ZMAT3: variants seen among roughly 807,000 people sequenced by gnomAD.
The protein encoded by ZMAT3 is zinc finger matrin-type protein 3.
In ZMAT3, 17 loss-of-function variants were observed where a neutral mutation model predicts 32.3. That is an observed-to-expected ratio of 0.53 (90% CI 0.36 to 0.79). The LOEUF is 0.79. ZMAT3 is among the 30% of genes least tolerant of loss of function. The probability of loss-of-function intolerance (pLI) is 0.00; values close to 1 mark genes in which losing one functional copy is unlikely to be tolerated. For synonymous variants in ZMAT3, 120 were observed against 133.1 expected (o/e 0.90, Z 0.68); for missense variants, 329 against 359.7 (o/e 0.91, Z 0.69).
At chr3:179,056,168 A>ATT (rs1720831843) in intron 2 of ZMAT3, among the ~76,000 whole-genome samples, 1 of 152,200 alleles carries the variant, frequency 6.6e-6, no homozygotes, top group African/African-American at 2.4e-5. Flanking sequence ...ATCTTAAAGG[A>ATT]TAAGTTTATC....
At position 179,067,550 on chromosome 3, in the gene ZMAT3, T is replaced by C. The variant is rs766137802; in HGVS notation, c.203A>G (p.Lys68Arg). The C allele has an allele frequency of 7.4e-6, 12 of 1,614,072 alleles. No individual in the cohort carries two copies. Among genetic ancestry groups the C allele is most frequent in the Non-Finnish European group, 5.1e-6 (6 of 1,180,054 alleles). Residue 68 changes from lysine to arginine, a missense_variant, in exon 2 of 6, where the codon AAG (lysine) becomes AGG (arginine). Coordinates refer to ENST00000311417, the MANE Select transcript of ZMAT3 (RefSeq NM_022470.4). Reference protein sequence around the residue: ...EQDCALEELCKPLYCKLCNVT... With the variant: ...EQDCALEELCRPLYCKLCNVT... ...ATTGCAGAGTTTGCAGTACAGGGGC[T>C]TACATAGCTCCTCCAGGGCACAGTC...
At chr3:179,066,109 T>C (rs1440036365) in intron 2 of ZMAT3, among the ~76,000 whole-genome samples, 2 of 151,830 alleles carry the variant, frequency 1.3e-5, no homozygotes, top group Non-Finnish European at 2.9e-5. Flanking sequence ...AGTCTTGGAG[T>C]TGAGATTAAT....
chr3:179,036,564 G>A (rs1719603669), intron 2 of ZMAT3, among the ~76,000 whole-genome samples: 1 of 152,152 alleles, frequency 6.6e-6, no homozygotes, highest in Non-Finnish European at 1.5e-5. Context: ...GGATAAGAGG[G>A]TAGAAGGGAG....
At chr3:179,053,683 C>T (rs971466179) in intron 2 of ZMAT3, among the ~76,000 whole-genome samples, 7 of 152,184 alleles carry the variant, frequency 4.6e-5, no homozygotes, top group African/African-American at 1.7e-4. Flanking sequence ...ACATGACACA[C>T]TAGGAAGAAC....
intron 2 of ZMAT3, among the ~76,000 whole-genome samples, chr3:179,062,040 T>C (rs779652957): frequency 6.6e-6 from 1 of 152,210 alleles, no homozygotes; most frequent in Non-Finnish European, 1.5e-5. Context: ...AGGTGATTAC[T>C]ACTTTTCATT....
chr3:179,057,317 C>A (rs1720898166), intron 2 of ZMAT3, among the ~76,000 whole-genome samples: 2 of 152,172 alleles, frequency 1.3e-5, no homozygotes, highest in Non-Finnish European at 2.9e-5. Context: ...CCAGAGGAAG[C>A]AGAGTGGTTT....
chr3:179,038,028 T>C (rs1175830124), intron 2 of ZMAT3, among the ~76,000 whole-genome samples: 1 of 151,912 alleles, frequency 6.6e-6, no homozygotes, highest in African/African-American at 2.4e-5. Flanking sequence ...ATATAATAGA[T>C]AATGGACAGG....
intron 2 of ZMAT3, among the ~76,000 whole-genome samples, chr3:179,064,557 G>C (rs181369000): frequency 6.6e-6 from 1 of 152,300 alleles, no homozygotes; most frequent in African/African-American, 2.4e-5. Flanking sequence ...AGCCTCACGA[G>C]TAGCTGGGAC....
At chr3:179,028,818 G>C (rs1220819031) in intron 3 of ZMAT3, among the ~76,000 whole-genome samples, 1 of 152,144 alleles carries the variant, frequency 6.6e-6, no homozygotes, top group Non-Finnish European at 1.5e-5. Flanking sequence ...CTAACACTCA[G>C]AAAAGTAAAA....
chr3:179,062,789 G>A (rs1440588172), intron 2 of ZMAT3, among the ~76,000 whole-genome samples: 4 of 152,128 alleles, frequency 2.6e-5, no homozygotes, highest in Non-Finnish European at 4.4e-5. Flanking sequence ...CCTGGTATCT[G>A]GATCTAAAAG....
At chr3:179,026,020 C>T (rs1403409920) in intron 5 of ZMAT3, among the ~76,000 whole-genome samples, 1 of 152,164 alleles carries the variant, frequency 6.6e-6, no homozygotes, top group Non-Finnish European at 1.5e-5. Flanking sequence ...ACTGCTTTCA[C>T]TGCATCCTAC....
In ZMAT3 at chr3:179,026,103, C is replaced by T. The variant is rs116638325; in HGVS notation, c.659-875G>A. ...TTCCAGTATAATTGTTTCTTTGAACCATGAGTTATTTAGAAGTGTTTTTAA... is the reference window on the plus strand; with the variant it reads ...TTCCAGTATAATTGTTTCTTTGAACTATGAGTTATTTAGAAGTGTTTTTAA... On this transcript the variant is annotated intron_variant, in intron 5 of 5. Transcript: ENST00000311417. Among the ~76,000 whole-genome samples, 915 of 152,174 alleles carry T rather than the reference C, an allele frequency of 6.0e-3. 6 individuals are homozygous for T. Among genetic ancestry groups the T allele is most frequent in the African/African-American group, 0.021 (876 of 41,522 alleles).
intron 2 of ZMAT3, among the ~76,000 whole-genome samples, chr3:179,048,475 C>G (rs1392151757): frequency 3.3e-5 from 5 of 152,296 alleles, no homozygotes; most frequent in African/African-American, 1.2e-4. Context: ...CAGCCGAAAC[C>G]CTACAAGCTA....
In ZMAT3 at chr3:179,025,020, T is replaced by C. The variant is rs753592538; in HGVS notation, c.867A>G (p.Val289=). ...CTCTATCTTAATATGATAATCACTA[T>C]ACATATCCCAGATTCTCCATCTCAT... ...YRNEMENLGY[V] is the part of the protein sequence containing the mutation. The change falls in exon 6 of 6, where the codon GTA becomes GTG. Residue 289 remains valine (V), a synonymous_variant. Coordinates refer to ENST00000311417, the MANE Select transcript of ZMAT3 (RefSeq NM_022470.4). 4.3e-6 allele frequency: 7 copies of C among 1,613,888 alleles called. No homozygotes were observed. The Admixed American group carries it at 6.7e-5, about 15-fold the overall frequency.
rs1003090798 is a variant in ZMAT3, at chr3:179,017,292, C to G, written c.*7725G>C. On this transcript the variant is annotated 3_prime_UTR_variant, in exon 6 of 6. Transcript: ENST00000311417. Reference sequence around the variant, plus strand: ...AAATGCGTGTTATAATAATGTCAAGCCTTTATCAGAAATCAGTACATAAGT... The same window carrying G: ...AAATGCGTGTTATAATAATGTCAAGGCTTTATCAGAAATCAGTACATAAGT... 6.6e-6 allele frequency: 1 copy of G among 152,188 alleles called. No homozygotes were observed. The highest frequency in any genetic ancestry group is 1.5e-5 in the Non-Finnish European group (1 of 67,996). 9.4% of individuals were successfully genotyped at this position (152,188 alleles called of 1,614,324 possible). A position where few individuals can be genotyped will look rare whatever the true frequency, so the allele number is the denominator to read the frequency against.
Position 179,024,961 on chromosome 3 carries a change from T to C in ZMAT3, c.*56A>G, listed in dbSNP as rs986531520. The C allele has an allele frequency of 1.6e-5, 25 of 1,561,024 alleles. No homozygotes were observed. The highest frequency in any genetic ancestry group is 1.7e-4 in the Middle Eastern group (1 of 5,932). ...CAAAAAGACCACAAAGCAGGGCAAGTTGACAAAAGGCAAACAACAGGCAGG... is the reference window on the plus strand; with the variant it reads ...CAAAAAGACCACAAAGCAGGGCAAGCTGACAAAAGGCAAACAACAGGCAGG... On this transcript the variant is annotated 3_prime_UTR_variant, in exon 6 of 6. Transcript: ENST00000311417.
chr3:179,043,686 C>T (rs1219473860), intron 2 of ZMAT3, among the ~76,000 whole-genome samples: 2 of 152,160 alleles, frequency 1.3e-5, no homozygotes, highest in East Asian at 1.9e-4. Flanking sequence ...AACTAAAACA[C>T]CAAAAGCAAT....
chr3:179,022,442 T>TAC lies in ZMAT3; in HGVS notation c.*2573_*2574dup, dbSNP rs1202976889. 1 of 152,106 alleles carries TAC rather than the reference T, an allele frequency of 6.6e-6. No homozygotes were observed. Among genetic ancestry groups the TAC allele is most frequent in the Non-Finnish European group, 1.5e-5 (1 of 68,022 alleles). The allele number at this position is 152,106 out of a possible 1,614,324, so 9.4% of individuals were successfully genotyped here. ...GTACGTGTGTGTGTGGGGGTATGCA[T>TAC]ACACACACATCTACCTATGGAGGAA... On this transcript the variant is annotated 3_prime_UTR_variant, in exon 6 of 6. Transcript: ENST00000311417.
chr3:179,049,991 CAAAAAAAAAAA>C (rs34239014), intron 2 of ZMAT3, among the ~76,000 whole-genome samples: 3 of 8,128 alleles, frequency 3.7e-4, no homozygotes, highest in East Asian at 4.0e-3. Flanking sequence ...GACTCCGTCT[CAAAAAAAAAAA>C]AAAAAAAAAA....
Sources: allele counts gnomAD v4.1 joint callset (sites outside exome capture counted in the v4.1 genomes callset), GRCh38; gene constraint gnomAD v4.1.1; transcripts MANE v1.5; gene names NCBI Gene and HGNC (gene_info 2026-07-23, HGNC 2026-07-21).